The following WHRN variants were observed in gnomAD, a reference collection of about 807,000 sequenced individuals.
WHRN encodes the protein CASK-interacting protein CIP98.
In WHRN, 41 loss-of-function variants were observed where a neutral mutation model predicts 68.3. The ratio of observed to expected loss-of-function variants is 0.60; its 90% confidence interval spans 0.47 to 0.78. The LOEUF (loss-of-function observed/expected upper bound fraction) is 0.78, where lower values mean the gene tolerates loss of function less well. Among genes scored for constraint, WHRN ranks in the 30% least tolerant of loss-of-function variants. The pLI is 0.00. For missense variants in WHRN, 1,243 were observed against 1,244.7 expected, an observed-to-expected ratio of 1.00 and a Z score of 0.02; for synonymous variants, 560 against 561.3, an observed-to-expected ratio of 1.00 and a Z score of 0.03.
intron 1 of WHRN, chr9:114,503,310 T>A: frequency 3.5e-6 from 2 of 571,830 alleles, no homozygotes; most frequent in Non-Finnish European, 4.4e-6. Context: ...CCCAAACTCT[T>A]CACTTCTTGT....
Position 114,469,420 on chromosome 9 carries a change from G to A in WHRN, c.838-3028C>T, listed in dbSNP as rs373530962. ...AGGAAAGAACAAGGCCACCCAGGAC[G>A]GGACACTGCTCCCCCTCCAGGACCA... On this transcript the variant is annotated intron_variant, in intron 2 of 11. Transcript: ENST00000362057. 3.9e-5 allele frequency among the ~76,000 whole-genome samples: 6 copies of A among 152,306 alleles called. No homozygotes were observed. The East Asian group carries it at 5.8e-4, about 15-fold the overall frequency.
chr9:114,407,901 G>T, intron 8 of WHRN, 46 bp downstream of exon 8: 1 of 1,521,174 alleles, frequency 6.6e-7, no homozygotes, highest in South Asian at 1.2e-5. Context: ...ACCAGGACCT[G>T]AGCACACCAG....
intron 2 of WHRN, among the ~76,000 whole-genome samples, chr9:114,469,245 T>C (rs1198177604): frequency 6.6e-6 from 1 of 152,162 alleles, no homozygotes; most frequent in African/African-American, 2.4e-5. Context: ...AGATGATGAC[T>C]GTGGGCTGCT....
At chr9:114,443,499 C>CACCT (rs1488014578) in intron 3 of WHRN, among the ~76,000 whole-genome samples, 2 of 152,204 alleles carry the variant, frequency 1.3e-5, no homozygotes, top group Admixed American at 1.3e-4. Context: ...CTTATACAGC[C>CACCT]ACCTCTCTGG....
intron 1 of WHRN, among the ~76,000 whole-genome samples, chr9:114,489,164 C>G (rs556316274): frequency 6.6e-6 from 1 of 152,184 alleles, no homozygotes; most frequent in Admixed American, 6.5e-5. Context: ...ATTATCTACA[C>G]TCTTCTCAGT....
chr9:114,495,136 G>A (rs1843341370), intron 1 of WHRN, among the ~76,000 whole-genome samples: 1 of 152,250 alleles, frequency 6.6e-6, no homozygotes, highest in South Asian at 2.1e-4. Context: ...TGGGGAACAG[G>A]ACTGCTGGTA....
intron 3 of WHRN, among the ~76,000 whole-genome samples, chr9:114,459,450 G>C (rs189486595): frequency 2.7e-5 from 3 of 112,816 alleles, no homozygotes; most frequent in East Asian, 6.8e-4. Context: ...GCAATAGAGC[G>C]AGAGTTCATC....
At chr9:114,477,387 A>G (rs1407312315) in intron 2 of WHRN, among the ~76,000 whole-genome samples, 1 of 152,188 alleles carries the variant, frequency 6.6e-6, no homozygotes, top group Non-Finnish European at 1.5e-5. Context: ...CAAGGGGTGC[A>G]ATGCAAACAG....
At chr9:114,420,198 G>A (rs10081699) in intron 7 of WHRN, among the ~76,000 whole-genome samples, 116,509 of 152,072 alleles carry the variant, frequency 0.77, 44,796 homozygotes, top group East Asian at 0.94. Flanking sequence ...AAATCCACAC[G>A]TTCTCCAAAC....
At chr9:114,456,786 G>A (rs1293778346) in intron 3 of WHRN, among the ~76,000 whole-genome samples, 2 of 150,806 alleles carry the variant, frequency 1.3e-5, no homozygotes, top group South Asian at 2.1e-4. Flanking sequence ...CCGAGATCGT[G>A]TCACTGCACT....
chr9:114,499,793 T>C (rs1843769550), intron 1 of WHRN, among the ~76,000 whole-genome samples: 1 of 152,324 alleles, frequency 6.6e-6, no homozygotes, highest in East Asian at 1.9e-4. Flanking sequence ...GTCGGGGGGT[T>C]AAAGAATCAC....
intron 7 of WHRN, among the ~76,000 whole-genome samples, chr9:114,418,661 C>T (rs1836006976): frequency 6.6e-6 from 1 of 152,246 alleles, no homozygotes; most frequent in Non-Finnish European, 1.5e-5. Flanking sequence ...AATTCTCTGA[C>T]ATTCTCTTAC....
chr9:114,466,521 A>G, intron 2 of WHRN, 129 bp from the exon 3 acceptor site: 1 of 1,323,500 alleles, frequency 7.6e-7, no homozygotes, highest in South Asian at 1.2e-5. Flanking sequence ...GCCCAGGCCA[A>G]GGCCTGGAAG....
At chr9:114,429,905 C>T (rs180936315) in intron 3 of WHRN, among the ~76,000 whole-genome samples, 13 of 152,318 alleles carry the variant, frequency 8.5e-5, no homozygotes, top group South Asian at 2.1e-4. Flanking sequence ...CACCTCCCCA[C>T]GTGGCAGCTC....
At chr9:114,482,484 AGCATG>A in intron 1 of WHRN, among the ~76,000 whole-genome samples, 1 of 152,304 alleles carries the variant, frequency 6.6e-6, no homozygotes, top group African/African-American at 2.4e-5. Flanking sequence ...CTTGCAAAGC[AGCATG>A]TGTGAACTGG....
chr9:114,480,871 T>G (rs924116169), intron 1 of WHRN, among the ~76,000 whole-genome samples: 1 of 152,132 alleles, frequency 6.6e-6, no homozygotes, highest in Non-Finnish European at 1.5e-5. Flanking sequence ...AAAAACAAAA[T>G]GAAACAAAAC....
intron 7 of WHRN, among the ~76,000 whole-genome samples, chr9:114,417,948 T>C (rs973480669): frequency 6.6e-6 from 1 of 152,176 alleles, no homozygotes; most frequent in Non-Finnish European, 1.5e-5. Context: ...ATGGGGAGAC[T>C]GAGGCCAAGA....
At chr9:114,414,195 C>A (rs577064536) in intron 7 of WHRN, among the ~76,000 whole-genome samples, 2 of 152,198 alleles carry the variant, frequency 1.3e-5, no homozygotes, top group Non-Finnish European at 2.9e-5. Flanking sequence ...TGATCTTTCA[C>A]GTCACATTCC....
chr9:114,418,528 T>C (rs1487060314), intron 7 of WHRN, among the ~76,000 whole-genome samples: 1 of 152,240 alleles, frequency 6.6e-6, no homozygotes, highest in Non-Finnish European at 1.5e-5. Flanking sequence ...CCCTGTTAAA[T>C]CGAAGTCAGA....
Sources: allele counts gnomAD v4.1 joint callset (sites outside exome capture counted in the v4.1 genomes callset), GRCh38; gene constraint gnomAD v4.1.1; transcripts MANE v1.5; gene names NCBI Gene and HGNC (gene_info 2026-07-23, HGNC 2026-07-21).